Variants in SLC5A3 observed in about 807,000 individuals in gnomAD.
SLC5A3 encodes sodium/myo-inositol cotransporter.
In SLC5A3, 10 loss-of-function variants were observed where a neutral mutation model predicts 43.2. The observed-to-expected ratio is 0.23, with a 90% CI of 0.14 to 0.39. The LOEUF is 0.39. Ranked by LOEUF, SLC5A3 falls within the 10% of genes least tolerant of loss-of-function variation. The probability of loss-of-function intolerance (pLI) is 1.00; values close to 1 mark genes in which losing one functional copy is unlikely to be tolerated. For missense variants in SLC5A3, 608 were observed against 893.4 expected (o/e 0.68, Z 4.07); for synonymous variants, 349 against 322.0 (o/e 1.08, Z -0.90).
chr21:34,085,600 C>CTTTT (rs56135810), intron 1 of SLC5A3, among the ~76,000 whole-genome samples: 4 of 130,264 alleles, frequency 3.1e-5, no homozygotes, highest in African/African-American at 8.7e-5. Flanking sequence ...GAAATAAGGA[C>CTTTT]TTTTTTTTTT....
intron 1 of SLC5A3, among the ~76,000 whole-genome samples, chr21:34,078,975 A>G (rs974681957): frequency 4.6e-5 from 7 of 152,254 alleles, no homozygotes; most frequent in African/African-American, 1.7e-4. Context: ...TACTTAAGGA[A>G]TTAGTCAAAT....
chr21:34,088,231 T>C (rs1161460339), intron 1 of SLC5A3, among the ~76,000 whole-genome samples: 1 of 186 alleles, frequency 5.4e-3, no homozygotes, highest in East Asian at 0.17. Flanking sequence ...GGGTCAAGTA[T>C]AGAATACACT....
intron 1 of SLC5A3, among the ~76,000 whole-genome samples, chr21:34,088,599 TC>T (rs1424027825): frequency 6.6e-6 from 1 of 152,248 alleles, no homozygotes. Flanking sequence ...TAATGTTTCT[TC>T]CTGTCAGTAA....
In SLC5A3 at chr21:34,099,844, TC is replaced by T. The variant is rs979585325; in HGVS notation, c.*2492del. On this transcript the variant is annotated 3_prime_UTR_variant, in exon 2 of 2. Coordinates refer to ENST00000381151, the MANE Select transcript of SLC5A3 (RefSeq NM_006933.7). ...AAACATCATTTTATTTAGACTAAAG[TC>T]CCTGAAGCTTGTCTTTCTTATTGCT... 51 of 507,656 alleles carry T rather than the reference TC, an allele frequency of 1.0e-4. No homozygotes were observed. Among genetic ancestry groups the T allele is most frequent in the Non-Finnish European group, 1.3e-4 (51 of 380,548 alleles). The allele number at this position is 507,656 out of a possible 1,614,324, so 31.4% of individuals were successfully genotyped here. A position where few individuals can be genotyped will look rare whatever the true frequency, so the allele number is the denominator to read the frequency against.
chr21:34,079,017 G>A (rs556205057), intron 1 of SLC5A3, among the ~76,000 whole-genome samples: 1 of 152,326 alleles, frequency 6.6e-6, no homozygotes, highest in African/African-American at 2.4e-5. Flanking sequence ...TTTGTCTAAA[G>A]GAAGAACTAC....
rs1004033921 is a variant in SLC5A3, at chr21:34,104,608, C to G, written c.*7253C>G. On this transcript the variant is annotated 3_prime_UTR_variant, in exon 2 of 2. Transcript: ENST00000381151. ...TGTTTTAGAAGAGTTAACCTGAACA[C>G]TTTGAGGGAGAGATTATTCTTGCCA... 2 of 999,996 alleles carry G rather than the reference C, an allele frequency of 2.0e-6. No individual in the cohort carries two copies. The highest frequency in any genetic ancestry group is 3.5e-5 in the African/African-American group (2 of 57,200). The allele number at this position is 999,996 out of a possible 1,614,324, so 61.9% of individuals were successfully genotyped here. A position where few individuals can be genotyped will look rare whatever the true frequency, so the allele number is the denominator to read the frequency against.
chr21:34,084,573 A>G (rs1373277910), intron 1 of SLC5A3, among the ~76,000 whole-genome samples: 8 of 152,204 alleles, frequency 5.3e-5, no homozygotes. Flanking sequence ...ATACACACCT[A>G]CATATTATAC....
At chr21:34,086,209 G>GGTTTTGTTTT (rs528305689) in intron 1 of SLC5A3, among the ~76,000 whole-genome samples, 7 of 152,202 alleles carry the variant, frequency 4.6e-5, no homozygotes, top group South Asian at 2.1e-4. Context: ...ATTAGATTCA[G>GGTTTTGTTTT]GTTTTGTTTT....
In SLC5A3 at chr21:34,100,023, A is replaced by G. The variant is rs1979162514; in HGVS notation, c.*2668A>G. 1 of 890,020 alleles carries G rather than the reference A, an allele frequency of 1.1e-6. No individual in the cohort carries two copies. Among genetic ancestry groups the G allele is most frequent in the Non-Finnish European group, 1.4e-6 (1 of 729,526 alleles). The allele number at this position is 890,020 out of a possible 1,614,324, so 55.1% of individuals were successfully genotyped here. A position where few individuals can be genotyped will look rare whatever the true frequency, so the allele number is the denominator to read the frequency against. On this transcript the variant is annotated 3_prime_UTR_variant, in exon 2 of 2. Transcript: ENST00000381151. ...TAAGCTAGCAAAATGTTCATACTTT[A>G]CACTGACTAAATGGGTCCTAAATGA... is the stretch of plus-strand genomic sequence containing the variant.
intron 1 of SLC5A3, among the ~76,000 whole-genome samples, chr21:34,091,575 T>C (rs188230053): frequency 3.9e-5 from 6 of 152,320 alleles, no homozygotes; most frequent in African/African-American, 1.4e-4. Context: ...TTCTATTTGG[T>C]CAAATGCAGC....
intron 1 of SLC5A3, among the ~76,000 whole-genome samples, chr21:34,083,965 C>T (rs957555559): frequency 2.6e-5 from 4 of 152,170 alleles, no homozygotes; most frequent in African/African-American, 4.8e-5. Context: ...TTTTCTATCC[C>T]TCTACTTGTC....
Position 34,095,132 on chromosome 21 carries a change from T to C in SLC5A3, c.-67T>C. On this transcript the variant is annotated 5_prime_UTR_variant, in exon 2 of 2. Transcript: ENST00000381151. ...GTATGGTTTACAGACTTGGCTGGGGTTACTAAAAATAAATAAAAAGTTGGA... is the reference window on the plus strand; with the variant it reads ...GTATGGTTTACAGACTTGGCTGGGGCTACTAAAAATAAATAAAAAGTTGGA... 6.5e-7 allele frequency: 1 copy of C among 1,535,570 alleles called. No individual in the cohort carries two copies. Among genetic ancestry groups the C allele is most frequent in the Non-Finnish European group, 8.7e-7 (1 of 1,143,872 alleles).
intron 1 of SLC5A3, among the ~76,000 whole-genome samples, chr21:34,092,353 A>G (rs1407590917): frequency 7.3e-5 from 3 of 41,118 alleles, no homozygotes; most frequent in Non-Finnish European, 1.3e-4. Flanking sequence ...GTTTTGTTTA[A>G]GTTGGAAAAA....
At position 34,100,249 on chromosome 21, in the gene SLC5A3, A is replaced by G. The variant is rs74525489; in HGVS notation, c.*2894A>G. 375 of 1,000,076 alleles carry G rather than the reference A, an allele frequency of 3.7e-4. 3 individuals are homozygous for G. The African/African-American group carries it at 6.1e-3, about 16-fold the overall frequency. The allele number at this position is 1,000,076 out of a possible 1,614,324, so 62.0% of individuals were successfully genotyped here. A position where few individuals can be genotyped will look rare whatever the true frequency, so the allele number is the denominator to read the frequency against. On this transcript the variant is annotated 3_prime_UTR_variant, in exon 2 of 2. Coordinates refer to ENST00000381151, the MANE Select transcript of SLC5A3 (RefSeq NM_006933.7). ...TCTTAGACTTTTGTCTTCTCAGGCA[A>G]TTTTCATCTCAAGATCTGATGAGAA...
At chr21:34,093,398 GT>G (rs758322723) in intron 1 of SLC5A3, among the ~76,000 whole-genome samples, 2 of 152,146 alleles carry the variant, frequency 1.3e-5, no homozygotes, top group Non-Finnish European at 2.9e-5. Flanking sequence ...TATCCAGGCA[GT>G]TTTTTCTGCA....
chr21:34,099,727 A>G lies in SLC5A3; in HGVS notation c.*2372A>G, dbSNP rs187554764. The G allele has an allele frequency of 1.0e-5, 10 of 997,390 alleles. No homozygotes were observed. In the East Asian group the frequency reaches 9.1e-4, roughly 90 times the overall value. 61.8% of individuals were successfully genotyped at this position (997,390 alleles called of 1,614,324 possible). On this transcript the variant is annotated 3_prime_UTR_variant, in exon 2 of 2. Coordinates refer to ENST00000381151, the MANE Select transcript of SLC5A3 (RefSeq NM_006933.7). ...GGTACATCATCTTGTGTCTGTGTGT[A>G]TATAGCAGTAGGTCAAGTTTAGAGT... is the stretch of plus-strand genomic sequence containing the variant.
At position 34,096,008 on chromosome 21, in the gene SLC5A3, A is replaced by G. The variant is rs1978949756; in HGVS notation, c.810A>G (p.Pro270=). The change falls in exon 2 of 2, where the codon CCA becomes CCG. Residue 270 remains proline, a synonymous_variant. Transcript: ENST00000381151. The surrounding 1 kb of genome is among the most constrained non-coding windows in gnomAD (Gnocchi z 5.9). ...PWPGFILGQT[P]ASVWYWCADQ... is the part of the protein sequence containing the mutation. ...CTGGATTCATTCTTGGGCAGACCCC[A>G]GCTTCAGTATGGTACTGGTGTGCTG... 1.9e-6 allele frequency: 3 copies of G among 1,614,166 alleles called. No homozygotes were observed. The East Asian group carries it at 6.7e-5, about 36-fold the overall frequency.
Position 34,097,321 on chromosome 21 carries a change from T to C in SLC5A3, c.2123T>C (p.Leu708Pro). The C allele has an allele frequency of 6.2e-7, 1 of 1,608,234 alleles. No homozygotes were observed. The highest frequency in any genetic ancestry group is 8.5e-7 in the Non-Finnish European group (1 of 1,177,540). ...ATTGGACTTTTTGCTGTGTGTTCAC[T>C]TGGAATTTTCATGTTTGTTTATTTC... ...LNIGLFAVCS[L>P]GIFMFVYFSL The change falls in exon 2 of 2, where the codon CTT (leucine) becomes CCT (proline). Residue 708 changes from leucine (L) to proline (P), a missense_variant. By Grantham distance (98) the Leu-to-Pro change is moderately conservative. Transcript: ENST00000381151.
chr21:34,081,998 C>CA (rs1556002632), intron 1 of SLC5A3, among the ~76,000 whole-genome samples: 1 of 149,064 alleles, frequency 6.7e-6, no homozygotes, highest in Non-Finnish European at 1.5e-5. Context: ...GTTTTGCCAG[C>CA]TTTTTTTTTC....
Sources: allele counts gnomAD v4.1 joint callset (sites outside exome capture counted in the v4.1 genomes callset), GRCh38; gene constraint gnomAD v4.1.1; non-coding constraint Gnocchi (gnomAD v3.1); transcripts MANE v1.5; gene names NCBI Gene and HGNC (gene_info 2026-07-23, HGNC 2026-07-21).